Variants in TP53I13 observed in about 807,000 individuals in gnomAD.
TP53I13 encodes tumor protein p53 inducible protein 13, also known as tumor protein p53-inducible protein 13.
Under a neutral mutation model 39.1 loss-of-function variants are expected in TP53I13, and 27 were observed. The ratio of observed to expected loss-of-function variants is 0.69; its 90% CI spans 0.51 to 0.95. The LOEUF (loss-of-function observed/expected upper bound fraction) is 0.95. TP53I13 is among the 40% of genes least tolerant of loss of function. TP53I13 has a pLI of 0.00. For missense variants in TP53I13, 544 were observed against 520.4 expected, an observed-to-expected ratio of 1.05 and a Z score of -0.44; for synonymous variants, 230 against 224.6, an observed-to-expected ratio of 1.02 and a Z score of -0.22.
upstream of TP53I13, chr17:29,567,524 G>T (rs1250253578): frequency 6.6e-6 from 1 of 152,122 alleles, no homozygotes; most frequent in Non-Finnish European, 1.5e-5. The surrounding 1 kb of genome is among the most constrained non-coding windows in gnomAD (Gnocchi z 6.6). Flanking sequence ...CCGCAACCCC[G>T]CAATAACTTG....
chr17:29,567,778 G>A (rs978066910), upstream of TP53I13, among the ~76,000 whole-genome samples: 1 of 152,158 alleles, frequency 6.6e-6, no homozygotes, highest in Non-Finnish European at 1.5e-5. This position sits in a 1 kb window ranked among gnomAD's most constrained non-coding sequence, Gnocchi z 6.6. Context: ...CCTGCGACAG[G>A]GATGCCCGTC....
chr17:29,575,970 G>A, downstream of TP53I13: 4 of 1,534,636 alleles, frequency 2.6e-6, no homozygotes, highest in Non-Finnish European at 3.6e-6. This position sits in a 1 kb window ranked among gnomAD's most constrained non-coding sequence, Gnocchi z 5.5. Flanking sequence ...AGTGCAGCAG[G>A]GACCAGGTCA....
At chr17:29,577,529 T>G, downstream of TP53I13, 1 of 774,848 alleles carries the variant, frequency 1.3e-6, no homozygotes, top group Non-Finnish European at 2.3e-6. Flanking sequence ...AGCTGTGCCC[T>G]GAGGGAGGCC....
chr17:29,575,164 T>C, downstream of TP53I13: 1 of 1,584,496 alleles, frequency 6.3e-7, no homozygotes, highest in Middle Eastern at 1.7e-4. This position sits in a 1 kb window ranked among gnomAD's most constrained non-coding sequence, Gnocchi z 5.5. Flanking sequence ...AGGGAGGCTA[T>C]AAAGCAGGGG....
upstream of TP53I13, chr17:29,566,727 G>A (rs761632546): frequency 2.5e-6 from 4 of 1,569,402 alleles, no homozygotes; most frequent in Non-Finnish European, 3.4e-6. Flanking sequence ...GCAGGCACTG[G>A]GCCAGGGCCG....
upstream of TP53I13, chr17:29,568,673 G>A (rs561037368): frequency 7.5e-4 from 687 of 920,950 alleles, 5 homozygotes; most frequent in African/African-American, 0.012. This position sits in a 1 kb window ranked among gnomAD's most constrained non-coding sequence, Gnocchi z 4.5. Flanking sequence ...GGCGGCGCGG[G>A]GGCGCTGGGG....
Position 29,573,010 on chromosome 17 carries a change from C to A in TP53I13, c.*86C>A. On this transcript the variant is annotated 3_prime_UTR_variant, in exon 7 of 7. Transcript: ENST00000301057. ...TGCCACGTGGACCGCGCGCGGGGCG[C>A]TCCCTGGTGGCGATGGCGCGGCACT... 3 of 1,130,260 alleles carry A rather than the reference C, an allele frequency of 2.7e-6. No homozygotes were observed. The highest frequency in any genetic ancestry group is 2.3e-5 in the South Asian group (1 of 44,438). The allele number at this position is 1,130,260 out of a possible 1,614,324, so 70.0% of individuals were successfully genotyped here.
chr17:29,569,190 C>A (rs537298372), intron 2 of TP53I13, 104 bp downstream of exon 2: 3 of 1,471,706 alleles, frequency 2.0e-6, no homozygotes, highest in Non-Finnish European at 2.8e-6. Flanking sequence ...GGACCTCTGC[C>A]GGTTCCTCAG....
rs1198265042 is a variant in TP53I13 at position 29,572,857 on chromosome 17, G to C, written c.1115G>C (p.Arg372Pro). The C allele has an allele frequency of 4.6e-6, 7 of 1,523,650 alleles. No individual in the cohort carries two copies. Among genetic ancestry groups the C allele is most frequent in the Non-Finnish European group, 6.1e-6 (7 of 1,142,498 alleles). 94.4% of individuals were successfully genotyped at this position (1,523,650 alleles called of 1,614,324 possible). A position where few individuals can be genotyped will look rare whatever the true frequency, so the allele number is the denominator to read the frequency against. ...RLLQPSRRVK[R>P]SRRRPLLPPT... is the part of the protein sequence containing the mutation. ...CTGCAGCCCTCGCGCCGGGTCAAGC[G>C]CTCGCGCCGGAGACCCCTCCTCCCG... Residue 372 changes from arginine (R) to proline (P), a missense_variant, in exon 7 of 7, where the codon CGC (arginine) becomes CCC (proline). Physicochemically the swap from Arg to Pro is moderately radical, Grantham distance 103 (BLOSUM62 -2). Transcript: ENST00000301057.
At chr17:29,569,172 C>G in intron 2 of TP53I13, 86 bp downstream of exon 2, 1 of 1,487,446 alleles carries the variant, frequency 6.7e-7, no homozygotes, top group Admixed American at 2.0e-5. Flanking sequence ...TCCACAGTCA[C>G]CATCTGAGGA....
In TP53I13 at chr17:29,569,167, A is replaced by T. The variant is rs979857099; in HGVS notation, c.141+81A>T. 1.7e-5 allele frequency: 26 copies of T among 1,503,172 alleles called. No homozygotes were observed. In the South Asian group the frequency reaches 2.0e-4, roughly 12 times the overall value. 93.1% of individuals were successfully genotyped at this position (1,503,172 alleles called of 1,614,324 possible). On this transcript the variant is annotated intron_variant, in intron 2 of 6. Coordinates refer to ENST00000301057, the MANE Select transcript of TP53I13 (RefSeq NM_138349.4). ...GCTCTGTTCTCGCCGCACCCTCCAC[A>T]GTCACCATCTGAGGACCTCTGCCGG...
chr17:29,572,330 G>T lies in TP53I13; in HGVS notation c.702G>T (p.Gln234His). The change falls in exon 6 of 7, where the codon CAG becomes CAT. Residue 234 changes from glutamine to histidine, a missense_variant. Coordinates refer to ENST00000301057, the MANE Select transcript of TP53I13 (RefSeq NM_138349.4). The part of the protein sequence containing the change: ...SASPGSLKAK[Q>H]SMAGIPGRES... ...CCCCAGGGAGCTTGAAGGCCAAGCA[G>T]TCCATGGCGGGAATCCCTGGTAGGG... 1 of 1,611,954 alleles carries T rather than the reference G, an allele frequency of 6.2e-7. No individual in the cohort carries two copies. Among genetic ancestry groups the T allele is most frequent in the Non-Finnish European group, 8.5e-7 (1 of 1,179,224 alleles).
rs1006679873 is a variant in TP53I13 at position 29,572,289 on chromosome 17, A to G, written c.661A>G (p.Arg221Gly). ...LGPQPTRSAL[R>G]FPSASPGSLK... The stretch of plus-strand genomic sequence containing the variant: ...TCCCCAGCCCACTCGCTCAGCCCTG[A>G]GGTTTCCCTCTGCTTCCCCAGGGAG... Residue 221 changes from arginine (R) to glycine (G), a missense_variant, in exon 6 of 7, where the codon AGG becomes GGG. By Grantham distance (125) the Arg-to-Gly change is moderately radical. Transcript: ENST00000301057. 1 of 1,612,918 alleles carries G rather than the reference A, an allele frequency of 6.2e-7. No homozygotes were observed. Among genetic ancestry groups the G allele is most frequent in the East Asian group, 2.2e-5 (1 of 44,872 alleles).
chr17:29,579,739 G>T, the TP53I13 span, among the ~76,000 whole-genome samples: 1 of 151,528 alleles, frequency 6.6e-6, no homozygotes, highest in East Asian at 1.9e-4. Context: ...AAAAAAAAAG[G>T]CTAAACATTT....
At chr17:29,569,868 T>C (rs2032859894) in intron 3 of TP53I13, 2 of 152,440 alleles carry the variant, frequency 1.3e-5, no homozygotes, top group South Asian at 4.1e-4. Context: ...GCTTGCGTGG[T>C]AGCATCTCCA....
the TP53I13 span, chr17:29,581,210 G>A: frequency 2.7e-6 from 2 of 735,480 alleles, no homozygotes; most frequent in African/African-American, 1.7e-5. This position sits in a 1 kb window ranked among gnomAD's most constrained non-coding sequence, Gnocchi z 4.8. Flanking sequence ...GGACTAAGCT[G>A]TGCCTCTAGT....
In TP53I13 at chr17:29,572,828, G is replaced by A; in HGVS notation, c.1086G>A (p.Arg362=). ...QDTVAAVLKR[R]LLQPSRRVKR... is the part of the protein sequence containing the mutation. The stretch of plus-strand genomic sequence containing the variant: ...GGCCCACAGCTGTGCTGAAGCGGAG[G>A]CTGCTGCAGCCCTCGCGCCGGGTCA... Residue 362 remains arginine, a synonymous_variant, in exon 7 of 7, where the codon AGG becomes AGA. Coordinates refer to ENST00000301057, the MANE Select transcript of TP53I13 (RefSeq NM_138349.4). 1 of 1,529,816 alleles carries A rather than the reference G, an allele frequency of 6.5e-7. No homozygotes were observed. Among genetic ancestry groups the A allele is most frequent in the African/African-American group, 1.4e-5 (1 of 71,964 alleles). 94.8% of individuals were successfully genotyped at this position (1,529,816 alleles called of 1,614,324 possible).
downstream of TP53I13, chr17:29,574,924 G>A (rs1229110265): frequency 6.4e-7 from 1 of 1,551,078 alleles, no homozygotes; most frequent in Non-Finnish European, 8.7e-7. Flanking sequence ...TCTGGAGGGG[G>A]CAGGAGTGAG....
At chr17:29,567,712 A>G (rs2032758303), upstream of TP53I13, among the ~76,000 whole-genome samples, 1 of 152,088 alleles carries the variant, frequency 6.6e-6, no homozygotes, top group Non-Finnish European at 1.5e-5. The surrounding 1 kb of genome is among the most constrained non-coding windows in gnomAD (Gnocchi z 6.6). Flanking sequence ...GCTTCCCCAG[A>G]AACAGCAGCC....
Sources: gnomAD v4.1 joint callset for allele counts (sites outside exome capture counted in the v4.1 genomes callset) on GRCh38, gnomAD v4.1.1 for gene constraint, Gnocchi (gnomAD v3.1) non-coding constraint, MANE v1.5 for transcripts, NCBI Gene and HGNC (gene_info 2026-07-23, HGNC 2026-07-21) for gene names.